Variants in LRRTM4 observed in about 807,000 individuals in gnomAD.
LRRTM4 encodes leucine rich repeat transmembrane neuronal 4.
A neutral mutation model predicts 47.6 loss-of-function variants in LRRTM4; 25 were observed. The observed-to-expected ratio is 0.53, with a 90% CI of 0.38 to 0.73. The LOEUF (loss-of-function observed/expected upper bound fraction) is 0.73. Among genes scored for constraint, LRRTM4 ranks in the 30% least tolerant of loss-of-function variants. LRRTM4 has a pLI of 0.00. For missense variants in LRRTM4, 638 were observed against 713.4 expected (o/e 0.89, Z 1.20); for synonymous variants, 311 against 269.5 (o/e 1.15, Z -1.51).
chr2:76,777,421 C>G lies in LRRTM4; in HGVS notation c.1552-28505G>C, dbSNP rs1163155068. ...GAATGTTCTTCCATTTGTTTGTATC[C>G]TCTTTTATTTCCTGGAGCAGTGGTT... On this transcript the variant is annotated intron_variant, in intron 3 of 3. Coordinates refer to ENST00000409884, the MANE Select transcript of LRRTM4 (RefSeq NM_001134745.3). 9.6e-5 allele frequency among the ~76,000 whole-genome samples: 14 copies of G among 145,514 alleles called. 1 individual carries two copies. Among genetic ancestry groups the G allele is most frequent in the African/African-American group, 3.4e-4 (13 of 38,684 alleles).
At chr2:76,822,154 T>C (rs902011781) in intron 3 of LRRTM4, among the ~76,000 whole-genome samples, 1 of 151,538 alleles carries the variant, frequency 6.6e-6, no homozygotes, top group Non-Finnish European at 1.5e-5. Context: ...AAAATCCATT[T>C]CTTTTTTGAA....
At chr2:77,487,729 C>T (rs1276636372) in intron 3 of LRRTM4, among the ~76,000 whole-genome samples, 2 of 152,114 alleles carry the variant, frequency 1.3e-5, no homozygotes, top group African/African-American at 2.4e-5. Context: ...GCCAGTTCCC[C>T]GGAAATGGAG....
intron 3 of LRRTM4, among the ~76,000 whole-genome samples, chr2:77,311,126 G>T (rs1051128988): frequency 6.6e-6 from 1 of 152,022 alleles, no homozygotes; most frequent in African/African-American, 2.4e-5. Flanking sequence ...GTATTTGAAA[G>T]ATTTAAATCT....
At chr2:76,995,261 G>C (rs1237473684) in intron 3 of LRRTM4, among the ~76,000 whole-genome samples, 1 of 151,982 alleles carries the variant, frequency 6.6e-6, no homozygotes, top group Non-Finnish European at 1.5e-5. Flanking sequence ...GCATATTCAA[G>C]AGCAATTATT....
chr2:76,755,588 A>G (rs1413384993), intron 3 of LRRTM4, among the ~76,000 whole-genome samples: 1 of 152,154 alleles, frequency 6.6e-6, no homozygotes, highest in Non-Finnish European at 1.5e-5. Flanking sequence ...AAAACTGGAG[A>G]AAAATTATTT....
At position 77,139,255 on chromosome 2, in the gene LRRTM4, G is replaced by A. The variant is rs141607556; in HGVS notation, c.1551+379063C>T. On this transcript the variant is annotated intron_variant, in intron 3 of 3. Coordinates refer to ENST00000409884, the MANE Select transcript of LRRTM4 (RefSeq NM_001134745.3). ...ATACTGGCAAACCAGATCCAGCAGC[G>A]CATCAAAAAGCTTATCCACCATGAT... Among the ~76,000 whole-genome samples, 122 of 152,008 alleles carry A rather than the reference G, an allele frequency of 8.0e-4. 1 individual carries two copies. The East Asian group carries it at 0.015, about 19-fold the overall frequency.
At chr2:77,206,034 G>T (rs564615277) in intron 3 of LRRTM4, among the ~76,000 whole-genome samples, 1 of 151,910 alleles carries the variant, frequency 6.6e-6, no homozygotes, top group Non-Finnish European at 1.5e-5. Context: ...TAGAGGCAGG[G>T]TATCACTATG....
chr2:76,842,754 C>T (rs925709999), intron 3 of LRRTM4, among the ~76,000 whole-genome samples: 1 of 151,720 alleles, frequency 6.6e-6, no homozygotes, highest in Non-Finnish European at 1.5e-5. Context: ...TTTTTAAGTT[C>T]TGGGATACAT....
intron 3 of LRRTM4, among the ~76,000 whole-genome samples, chr2:77,157,865 A>T (rs35651249): frequency 0.23 from 34,875 of 152,082 alleles, 4,810 homozygotes; most frequent in Admixed American, 0.3. Context: ...TGAGCATGCC[A>T]TCAGCAGACT....
chr2:76,776,108 T>C (rs1673974592), intron 3 of LRRTM4, among the ~76,000 whole-genome samples: 2 of 152,212 alleles, frequency 1.3e-5, no homozygotes, highest in Non-Finnish European at 2.9e-5. Flanking sequence ...TATGGCTGCA[T>C]AGTATTCCAC....
chr2:77,488,730 G>T (rs1203163851), intron 3 of LRRTM4, among the ~76,000 whole-genome samples: 4 of 152,060 alleles, frequency 2.6e-5, no homozygotes, highest in Admixed American at 2.6e-4. Flanking sequence ...TAATAAAACT[G>T]ATTTAAGTCC....
intron 3 of LRRTM4, among the ~76,000 whole-genome samples, chr2:77,227,992 G>A (rs187883596): frequency 2.6e-4 from 39 of 151,756 alleles, no homozygotes; most frequent in Non-Finnish European, 4.0e-4. Context: ...TATCATCTAC[G>A]AGTTATCAGG....
intron 3 of LRRTM4, among the ~76,000 whole-genome samples, chr2:76,974,817 T>G (rs1676363402): frequency 6.6e-6 from 1 of 151,832 alleles, no homozygotes; most frequent in South Asian, 2.1e-4. Flanking sequence ...TGCACAGTTT[T>G]TGTCTTTTCA....
At chr2:77,230,098 C>A (rs1402043853) in intron 3 of LRRTM4, among the ~76,000 whole-genome samples, 3 of 152,068 alleles carry the variant, frequency 2.0e-5, no homozygotes, top group African/African-American at 7.2e-5. Context: ...ATAAAAGGTA[C>A]TCCCTTTGGA....
intron 3 of LRRTM4, among the ~76,000 whole-genome samples, chr2:76,952,624 A>G (rs1219631665): frequency 6.6e-6 from 1 of 152,000 alleles, no homozygotes; most frequent in Non-Finnish European, 1.5e-5. Context: ...GTGGAAAACA[A>G]TTTGGAGATT....
intron 3 of LRRTM4, among the ~76,000 whole-genome samples, chr2:76,902,413 T>C (rs568375505): frequency 6.6e-6 from 1 of 152,202 alleles, no homozygotes; most frequent in Non-Finnish European, 1.5e-5. Flanking sequence ...TTTTCAACAA[T>C]GACCTTCACT....
chr2:76,943,604 T>G (rs779056890), intron 3 of LRRTM4, among the ~76,000 whole-genome samples: 9 of 152,164 alleles, frequency 5.9e-5, no homozygotes, highest in African/African-American at 2.2e-4. Flanking sequence ...CCATGACAAT[T>G]TGACCCTACC....
At chr2:77,477,906 A>C (rs1478993811) in intron 3 of LRRTM4, among the ~76,000 whole-genome samples, 4 of 7,368 alleles carry the variant, frequency 5.4e-4, no homozygotes, top group African/African-American at 1.9e-3. Context: ...AGAAAGAAAA[A>C]GAAAGAAAGA....
chr2:76,999,509 T>C (rs962209230), intron 3 of LRRTM4, among the ~76,000 whole-genome samples: 5 of 151,786 alleles, frequency 3.3e-5, no homozygotes, highest in African/African-American at 9.7e-5. Flanking sequence ...ATAAACAGTT[T>C]CTCTCAATTT....
Sources: allele counts gnomAD v4.1 joint callset (sites outside exome capture counted in the v4.1 genomes callset), GRCh38; gene constraint gnomAD v4.1.1; transcripts MANE v1.5; gene names NCBI Gene and HGNC (gene_info 2026-07-23, HGNC 2026-07-21).